CDH18: variants seen among roughly 807,000 people sequenced by gnomAD.
CDH18 encodes the protein cadherin-18.
CDH18 carries 31 observed loss-of-function variants against 67.9 expected under a neutral mutation model. That is an observed-to-expected ratio of 0.46 (90% CI 0.34 to 0.62). The LOEUF is 0.62. Among genes scored for constraint, CDH18 ranks in the 20% least tolerant of loss-of-function variants. The pLI, the probability that CDH18 is intolerant of heterozygous loss-of-function variation, is 0.01. For missense variants in CDH18, 890 were observed against 975.5 expected (o/e 0.91, Z 1.17); for synonymous variants, 362 against 347.2 (o/e 1.04, Z -0.48).
chr5:20,390,093 C>T (rs1214460715), intron 1 of CDH18, among the ~76,000 whole-genome samples: 1 of 152,152 alleles, frequency 6.6e-6, no homozygotes, highest in Non-Finnish European at 1.5e-5. Context: ...GACTTCATGT[C>T]TAAAACACCA....
chr5:20,550,730 G>A (rs947443023), intron 1 of CDH18, among the ~76,000 whole-genome samples: 5 of 152,168 alleles, frequency 3.3e-5, no homozygotes, highest in African/African-American at 1.2e-4. Flanking sequence ...TGCTGTTTTA[G>A]TCCATTTAGT....
At chr5:20,275,872 G>C (rs1164257726) in intron 1 of CDH18, among the ~76,000 whole-genome samples, 2 of 152,070 alleles carry the variant, frequency 1.3e-5, no homozygotes, top group African/African-American at 2.4e-5. Flanking sequence ...ATTTGCTTTT[G>C]GGGGAGGGAG....
At position 19,664,730 on chromosome 5, in the gene CDH18, A is replaced by G. The variant is rs568327296; in HGVS notation, c.644-52129T>C. 4.6e-5 allele frequency among the ~76,000 whole-genome samples: 7 copies of G among 152,112 alleles called. No homozygotes were observed. In the South Asian group the frequency reaches 1.0e-3, roughly 23 times the overall value. On this transcript the variant is annotated intron_variant, in intron 5 of 12. Coordinates refer to ENST00000382275, the MANE Select transcript of CDH18 (RefSeq NM_004934.5). ...ATTCAATGTATTCTATGCATGAGATAAAATTCTATGCCCCTCACTGCATTA... is the reference window on the plus strand; with the variant it reads ...ATTCAATGTATTCTATGCATGAGATGAAATTCTATGCCCCTCACTGCATTA...
intron 2 of CDH18, among the ~76,000 whole-genome samples, chr5:20,169,027 C>CA (rs957090472): frequency 4.0e-5 from 6 of 151,524 alleles, no homozygotes; most frequent in African/African-American, 1.5e-4. Flanking sequence ...TTAATGGGTA[C>CA]AAAAAAATAG....
At chr5:19,899,887 C>T (rs1789751914) in intron 2 of CDH18, among the ~76,000 whole-genome samples, 1 of 152,006 alleles carries the variant, frequency 6.6e-6, no homozygotes, top group Non-Finnish European at 1.5e-5. Flanking sequence ...CTGTGATTGT[C>T]AAGCTCAGAA....
At chr5:20,332,614 T>C (rs977853275) in intron 1 of CDH18, among the ~76,000 whole-genome samples, 1 of 152,186 alleles carries the variant, frequency 6.6e-6, no homozygotes, top group Non-Finnish European at 1.5e-5. Flanking sequence ...AAGCTAATTG[T>C]TACAAAGAAG....
At chr5:19,833,764 A>G (rs1781311192) in intron 3 of CDH18, among the ~76,000 whole-genome samples, 3 of 152,128 alleles carry the variant, frequency 2.0e-5, no homozygotes, top group Non-Finnish European at 4.4e-5. Context: ...CCTTTTCTCC[A>G]TCTATTGAGA....
rs539430424 is a variant in CDH18, at chr5:20,231,507, G to T, written c.-518+23937C>A. Among the ~76,000 whole-genome samples, 178 of 151,936 alleles carry T rather than the reference G, an allele frequency of 1.2e-3. 1 individual carries two copies. Among genetic ancestry groups the T allele is most frequent in the Non-Finnish European group, 2.0e-3 (134 of 67,992 alleles). ...CCAGCTACTCAGGAGGCTGAGACAG[G>T]AGAATCTCTTGAACCCGGGAGGCGG... On this transcript the variant is annotated intron_variant, in intron 2 of 14. Coordinates refer to the CDH18 transcript ENST00000507958.
intron 5 of CDH18, 137 bp downstream of exon 5, chr5:19,721,210 T>C: frequency 1.3e-6 from 1 of 795,632 alleles, no homozygotes; most frequent in Non-Finnish European, 1.9e-6. Context: ...TACATTGTTT[T>C]AGAAAAAGTG....
intron 1 of CDH18, among the ~76,000 whole-genome samples, chr5:20,486,318 A>T (rs1192408101): frequency 6.6e-6 from 1 of 152,230 alleles, no homozygotes; most frequent in Non-Finnish European, 1.5e-5. Flanking sequence ...GGTCTTACAA[A>T]TAATGACTGA....
chr5:19,974,517 T>TC (rs1175523607), intron 2 of CDH18, among the ~76,000 whole-genome samples: 14 of 57,628 alleles, frequency 2.4e-4, no homozygotes, highest in African/African-American at 1.0e-3. Flanking sequence ...AGATCCTGTC[T>TC]CCCAAAAAAA....
chr5:19,674,925 C>T (rs1759256542), intron 5 of CDH18, among the ~76,000 whole-genome samples: 1 of 152,050 alleles, frequency 6.6e-6, no homozygotes, highest in African/African-American at 2.4e-5. Context: ...GGTCATTTAT[C>T]ACGGGAAATT....
chr5:19,827,799 A>G (rs539580525), intron 3 of CDH18, among the ~76,000 whole-genome samples: 3 of 152,150 alleles, frequency 2.0e-5, no homozygotes, highest in African/African-American at 7.2e-5. Flanking sequence ...AAAGATATCA[A>G]ATCAAGACTC....
At chr5:19,857,825 A>T (rs937629419) in intron 2 of CDH18, among the ~76,000 whole-genome samples, 1 of 152,304 alleles carries the variant, frequency 6.6e-6, no homozygotes, top group Admixed American at 6.5e-5. Context: ...GGAAATAAAA[A>T]TTCTACATGA....
intron 10 of CDH18, among the ~76,000 whole-genome samples, chr5:19,513,044 G>A (rs1411274402): frequency 6.6e-6 from 1 of 151,794 alleles, no homozygotes; most frequent in African/African-American, 2.4e-5. Flanking sequence ...TTGTGGAAAG[G>A]TTTTTATTTA....
At chr5:19,945,858 C>A (rs1054966830) in intron 2 of CDH18, among the ~76,000 whole-genome samples, 1 of 151,968 alleles carries the variant, frequency 6.6e-6, no homozygotes, top group African/African-American at 2.4e-5. Context: ...ACTCAAAAAT[C>A]ATTTTGATTT....
chr5:19,909,159 G>A (rs536694251), intron 2 of CDH18, among the ~76,000 whole-genome samples: 3 of 152,090 alleles, frequency 2.0e-5, no homozygotes, highest in Non-Finnish European at 2.9e-5. Context: ...GCTATGACAC[G>A]TTTCCTGGTG....
chr5:19,748,783 A>T, intron 3 of CDH18, among the ~76,000 whole-genome samples: 1 of 152,054 alleles, frequency 6.6e-6, no homozygotes, highest in South Asian at 2.1e-4. Context: ...TGAGAAAAAG[A>T]TTTTTTTTCT....
At chr5:20,572,555 A>G (rs1315131822) in intron 1 of CDH18, among the ~76,000 whole-genome samples, 2 of 152,146 alleles carry the variant, frequency 1.3e-5, no homozygotes, top group Non-Finnish European at 2.9e-5. Flanking sequence ...TGTGAAAATA[A>G]GGGCTTCTTA....
Sources: gnomAD v4.1 joint callset for allele counts (sites outside exome capture counted in the v4.1 genomes callset) on GRCh38, gnomAD v4.1.1 for gene constraint, MANE v1.5 for transcripts, NCBI Gene and HGNC (gene_info 2026-07-23, HGNC 2026-07-21) for gene names.